TLE4: variants seen among roughly 807,000 people sequenced by gnomAD.
The protein encoded by TLE4 is transducin-like enhancer protein 4.
Under a neutral mutation model 92.8 loss-of-function variants are expected in TLE4, and 8 were observed. The ratio of observed to expected loss-of-function variants is 0.09; its 90% CI spans 0.05 to 0.16. TLE4 has a LOEUF of 0.16. Among genes scored for constraint, TLE4 ranks in the 10% least tolerant of loss-of-function variants. TLE4 has a pLI of 1.00. For missense variants in TLE4, 675 were observed against 997.6 expected, an observed-to-expected ratio of 0.68 and a Z score of 4.36; for synonymous variants, 371 against 374.1, an observed-to-expected ratio of 0.99 and a Z score of 0.10.
At chr9:79,607,404 C>G (rs764601964) in intron 4 of TLE4, among the ~76,000 whole-genome samples, 1 of 151,968 alleles carries the variant, frequency 6.6e-6, no homozygotes, top group Non-Finnish European at 1.5e-5. Flanking sequence ...ATTTTGGCTT[C>G]TGTTGCCATT....
chr9:79,654,190 G>C, intron 8 of TLE4, 115 bp downstream of exon 8: 1 of 1,034,670 alleles, frequency 9.7e-7, no homozygotes, highest in East Asian at 2.6e-5. Context: ...GTTAGTAGTG[G>C]TTAACTGCAT....
chr9:79,711,451 T>G (rs1662447868), intron 14 of TLE4, among the ~76,000 whole-genome samples: 2 of 152,220 alleles, frequency 1.3e-5, no homozygotes, highest in African/African-American at 2.4e-5. Context: ...CTCAGATACC[T>G]ACAAGTTCCA....
At chr9:79,715,527 T>C (rs2074316223) in intron 14 of TLE4, among the ~76,000 whole-genome samples, 1 of 152,128 alleles carries the variant, frequency 6.6e-6, no homozygotes, top group South Asian at 2.1e-4. Flanking sequence ...GTGGGGTTAA[T>C]AACAGCTGTG....
At chr9:79,662,745 G>A (rs1047264801) in intron 8 of TLE4, among the ~76,000 whole-genome samples, 8 of 152,118 alleles carry the variant, frequency 5.3e-5, no homozygotes, top group African/African-American at 1.9e-4. Context: ...TGTCAGTCAG[G>A]AAACCCGTGC....
chr9:79,603,167 A>C (rs1035732861), intron 4 of TLE4, among the ~76,000 whole-genome samples: 7 of 152,168 alleles, frequency 4.6e-5, no homozygotes, highest in African/African-American at 1.7e-4. Context: ...GACCACAAAG[A>C]ATTTGAATAT....
At chr9:79,622,979 T>C (rs545463765) in intron 5 of TLE4, among the ~76,000 whole-genome samples, 1 of 152,328 alleles carries the variant, frequency 6.6e-6, no homozygotes, top group Non-Finnish European at 1.5e-5. Context: ...TGTTTCATTT[T>C]ATATCTATCT....
intron 1 of TLE4, chr9:79,573,139 A>T: frequency 8.6e-6 from 6 of 694,698 alleles, no homozygotes; most frequent in African/African-American, 3.8e-5. Context: ...GTGGCGAGCG[A>T]TGAAGGAGGC....
intron 19 of TLE4, among the ~76,000 whole-genome samples, chr9:79,724,313 A>G (rs1054996393): frequency 6.6e-6 from 1 of 151,854 alleles, no homozygotes; most frequent in Admixed American, 6.6e-5. Flanking sequence ...AGGTTAAGTG[A>G]CCTGTGCCGT....
intron 5 of TLE4, among the ~76,000 whole-genome samples, chr9:79,626,928 T>A (rs1020669101): frequency 6.6e-6 from 1 of 152,198 alleles, no homozygotes; most frequent in Admixed American, 6.5e-5. Flanking sequence ...GTGTCTTCGC[T>A]AACCGTTATC....
intron 6 of TLE4, among the ~76,000 whole-genome samples, chr9:79,643,247 C>T (rs1292756074): frequency 6.6e-6 from 1 of 152,172 alleles, no homozygotes; most frequent in Non-Finnish European, 1.5e-5. Context: ...CATACAAATA[C>T]ATGTGCACTT....
intron 4 of TLE4, among the ~76,000 whole-genome samples, chr9:79,591,128 T>G (rs1346219941): frequency 1.3e-5 from 2 of 152,182 alleles, no homozygotes; most frequent in East Asian, 3.9e-4. Context: ...GAGAATCTAG[T>G]CTTTTTACTT....
intron 7 of TLE4, 22 bp downstream of exon 7, chr9:79,652,816 C>G (rs777308773): frequency 1.2e-6 from 2 of 1,609,990 alleles, no homozygotes; most frequent in Non-Finnish European, 1.7e-6. Context: ...TCTTGGAATG[C>G]CAATCTGAGA....
At position 79,635,925 on chromosome 9, in the gene TLE4, A is replaced by G. The variant is rs572997436; in HGVS notation, c.390+8477A>G. On this transcript the variant is annotated intron_variant, in intron 6 of 19. Transcript: ENST00000376552. ...GGGAAAGGGTCTAAGCTCAGTATAA[A>G]CACTTTCTCTCATCAGAAATGGTGT... Among the ~76,000 whole-genome samples, 14 of 152,222 alleles carry G rather than the reference A, an allele frequency of 9.2e-5. No homozygotes were observed. In the South Asian group the frequency reaches 2.7e-3, roughly 29 times the overall value.
chr9:79,593,163 A>G (rs1356750524), intron 4 of TLE4, among the ~76,000 whole-genome samples: 1 of 152,182 alleles, frequency 6.6e-6, no homozygotes, highest in African/African-American at 2.4e-5. Context: ...TTTTTGGTAA[A>G]CCAAAATATT....
At chr9:79,608,270 C>G (rs1038199096) in intron 4 of TLE4, among the ~76,000 whole-genome samples, 4 of 152,130 alleles carry the variant, frequency 2.6e-5, no homozygotes, top group African/African-American at 7.2e-5. Flanking sequence ...TAGAATTTCT[C>G]ATTAGTCCTC....
rs2075804062 is a variant in TLE4 at position 79,722,484 on chromosome 9, T to C, written c.2020T>C (p.Trp674Arg). ...FSLGYCPTGE[W>R]LAVGMENSNV... ...TCTGGGCTACTGCCCAACTGGAGAG[T>C]GGCTTGCAGTGGGGATGGAGAACAG... is the stretch of plus-strand genomic sequence containing the variant. Residue 674 changes from tryptophan to arginine, a missense_variant, in exon 18 of 20, where the codon TGG becomes CGG. Trp to Arg is a moderately radical substitution (Grantham distance 101). Coordinates refer to ENST00000376552, the MANE Select transcript of TLE4 (RefSeq NM_007005.6). 1.2e-6 allele frequency: 2 copies of C among 1,614,104 alleles called. No homozygotes were observed. The highest frequency in any genetic ancestry group is 1.7e-6 in the Non-Finnish European group (2 of 1,180,006).
chr9:79,704,595 T>C (rs2070972947), intron 8 of TLE4, 188 bp from the exon 9 acceptor site: 2 of 656,688 alleles, frequency 3.0e-6, no homozygotes, highest in South Asian at 5.1e-5. Context: ...TGTCTTTTGC[T>C]ACTTGTCTTT....
intron 12 of TLE4, 55 bp downstream of exon 12, chr9:79,708,305 A>C (rs995948489): frequency 2.5e-6 from 4 of 1,584,382 alleles, no homozygotes; most frequent in African/African-American, 2.7e-5. Flanking sequence ...AAGAATTTAA[A>C]GCAATTTAAG....
chr9:79,669,007 C>T (rs1296488415), intron 8 of TLE4, among the ~76,000 whole-genome samples: 1 of 152,128 alleles, frequency 6.6e-6, no homozygotes, highest in African/African-American at 2.4e-5. Context: ...CATCCTTCTG[C>T]TCGATTATTT....
Sources: gnomAD v4.1 joint callset for allele counts (sites outside exome capture counted in the v4.1 genomes callset) on GRCh38, gnomAD v4.1.1 for gene constraint, MANE v1.5 for transcripts, NCBI Gene and HGNC (gene_info 2026-07-23, HGNC 2026-07-21) for gene names.